TLN2: variants seen among roughly 807,000 people sequenced by gnomAD.
TLN2 encodes talin 2, also known as talin-2.
TLN2 carries 118 observed loss-of-function variants against 294.7 expected under a neutral mutation model. The observed-to-expected ratio is 0.40, with a 90% CI of 0.34 to 0.47. The LOEUF is 0.47. Among genes scored for constraint, TLN2 ranks in the 20% least tolerant of loss-of-function variants. The probability of loss-of-function intolerance (pLI) is 0.84; values close to 1 mark genes in which losing one functional copy is unlikely to be tolerated. For synonymous variants in TLN2, 1,431 were observed against 1,304.5 expected, an observed-to-expected ratio of 1.10 and a Z score of -2.09; for missense variants, 3,083 against 3,282.2, an observed-to-expected ratio of 0.94 and a Z score of 1.48.
chr15:62,569,926 T>C (rs1396911913), intron 1 of TLN2, among the ~76,000 whole-genome samples: 2 of 152,190 alleles, frequency 1.3e-5, no homozygotes, highest in African/African-American at 4.8e-5. Context: ...AAGCTACAGT[T>C]GATGAAGCAG....
intron 1 of TLN2, among the ~76,000 whole-genome samples, chr15:62,545,760 C>T (rs1470943471): frequency 6.6e-6 from 1 of 152,130 alleles, no homozygotes; most frequent in Admixed American, 6.5e-5. Flanking sequence ...TCGAGCCCAT[C>T]CTGGCTGAGG....
At chr15:62,776,097 G>C (rs899185706) in intron 42 of TLN2, among the ~76,000 whole-genome samples, 1 of 152,128 alleles carries the variant, frequency 6.6e-6, no homozygotes, top group Non-Finnish European at 1.5e-5. Flanking sequence ...AGGGAGCCCA[G>C]GACTGCCATT....
At chr15:62,554,994 G>A (rs376736405) in intron 1 of TLN2, among the ~76,000 whole-genome samples, 14 of 148,234 alleles carry the variant, frequency 9.4e-5, no homozygotes, top group Non-Finnish European at 9.0e-5. Context: ...TATTTAGAAA[G>A]AAAAAAAAAA....
At position 62,540,145 on chromosome 15, in the gene TLN2, G is replaced by A. The variant is rs2041593097; in HGVS notation, c.-237-49542G>A. ...ACCTGAGGTCAGGAGTTCGAGACCAGCCTGGCCAACATGGTGAAACCCCGT... is the reference window on the plus strand; with the variant it reads ...ACCTGAGGTCAGGAGTTCGAGACCAACCTGGCCAACATGGTGAAACCCCGT... On this transcript the variant is annotated intron_variant, in intron 1 of 58. Transcript: ENST00000636159. 2.0e-5 allele frequency among the ~76,000 whole-genome samples: 3 copies of A among 151,982 alleles called. No homozygotes were observed. The South Asian group carries it at 6.2e-4, about 32-fold the overall frequency.
chr15:62,513,637 C>A lies in TLN2; in HGVS notation c.-237-76050C>A, dbSNP rs146934921. 4.5e-3 allele frequency among the ~76,000 whole-genome samples: 689 copies of A among 152,276 alleles called. 6 individuals are homozygous for A. The highest frequency in any genetic ancestry group is 0.016 in the African/African-American group (655 of 41,556). Reference sequence around the variant, plus strand: ...GAAATGGCCCATCATTCTTCCCCTGCAGGGTGATAGTGATGATGAAAAATG... The same window carrying A: ...GAAATGGCCCATCATTCTTCCCCTGAAGGGTGATAGTGATGATGAAAAATG... On this transcript the variant is annotated intron_variant, in intron 1 of 58. Transcript: ENST00000636159.
chr15:62,768,533 A>T (rs2063160985), intron 41 of TLN2, among the ~76,000 whole-genome samples: 1 of 152,200 alleles, frequency 6.6e-6, no homozygotes. Context: ...ATGAGATCAC[A>T]TTCCCAGGTT....
At chr15:62,769,519 C>G (rs576304182) in intron 41 of TLN2, among the ~76,000 whole-genome samples, 1 of 152,248 alleles carries the variant, frequency 6.6e-6, no homozygotes, top group Non-Finnish European at 1.5e-5. Flanking sequence ...GGTTTGAAAC[C>G]TCTCTGTAAG....
intron 16 of TLN2, among the ~76,000 whole-genome samples, chr15:62,700,651 A>G (rs2058658628): frequency 6.6e-6 from 1 of 152,214 alleles, no homozygotes; most frequent in African/African-American, 2.4e-5. Context: ...GTTGTAAGCA[A>G]GAGGCATTTC....
At chr15:62,518,047 T>G (rs1038336986) in intron 1 of TLN2, among the ~76,000 whole-genome samples, 1 of 54,874 alleles carries the variant, frequency 1.8e-5, no homozygotes, top group African/African-American at 8.1e-5. Context: ...AGCAGCAGTT[T>G]TTTTTTTTTT....
Position 62,575,129 on chromosome 15 carries a change from A to G in TLN2, c.-237-14558A>G, listed in dbSNP as rs557354455. 9.2e-5 allele frequency among the ~76,000 whole-genome samples: 14 copies of G among 152,246 alleles called. No individual in the cohort carries two copies. In the South Asian group the frequency reaches 1.7e-3, roughly 18 times the overall value. On this transcript the variant is annotated intron_variant, in intron 1 of 58. Coordinates refer to ENST00000636159, the MANE Select transcript of TLN2 (RefSeq NM_015059.3). ...GGAGTTCAAGACCAGTCTGGGCAAC[A>G]TGATGAAACCTCATCTCCACCAAAA... is the stretch of plus-strand genomic sequence containing the variant.
intron 32 of TLN2, among the ~76,000 whole-genome samples, 154 bp from the exon 33 acceptor site, chr15:62,748,197 A>G (rs577645345): frequency 6.6e-6 from 1 of 151,770 alleles, no homozygotes; most frequent in East Asian, 1.9e-4. Flanking sequence ...GGTGTGGTTT[A>G]TTTTTGGTTG....
At chr15:62,820,799 T>G (rs914422743) in intron 54 of TLN2, among the ~76,000 whole-genome samples, 189 bp downstream of exon 54, 1 of 152,138 alleles carries the variant, frequency 6.6e-6, no homozygotes, top group Non-Finnish European at 1.5e-5. Flanking sequence ...TGATGAGTCT[T>G]TCAAGTTAAC....
chr15:62,749,451 C>A (rs1336922158), intron 33 of TLN2, among the ~76,000 whole-genome samples: 1 of 152,200 alleles, frequency 6.6e-6, no homozygotes, highest in Non-Finnish European at 1.5e-5. Flanking sequence ...TATTGATATC[C>A]TTGGTTGAAA....
intron 40 of TLN2, among the ~76,000 whole-genome samples, chr15:62,764,666 A>G (rs760580430): frequency 2.6e-5 from 4 of 152,272 alleles, no homozygotes; most frequent in Admixed American, 1.3e-4. Context: ...CAAGAAACAA[A>G]GTTGAGGCCA....
intron 46 of TLN2, among the ~76,000 whole-genome samples, chr15:62,793,170 A>G (rs1163349437): frequency 6.6e-6 from 1 of 152,184 alleles, no homozygotes; most frequent in African/African-American, 2.4e-5. Flanking sequence ...CTTCTCAAGG[A>G]GGCTGCTGAG....
chr15:62,657,334 G>A (rs758322425), intron 8 of TLN2, among the ~76,000 whole-genome samples: 1 of 151,918 alleles, frequency 6.6e-6, no homozygotes, highest in Non-Finnish European at 1.5e-5. Context: ...TATTACATTG[G>A]TTTTTATCTG....
At chr15:62,518,489 T>C (rs898867485) in intron 1 of TLN2, among the ~76,000 whole-genome samples, 16 of 152,238 alleles carry the variant, frequency 1.1e-4, no homozygotes, top group African/African-American at 3.9e-4. Context: ...GCCTCAGGTT[T>C]CTCAACTGAA....
chr15:62,737,905 C>A (rs959299041), intron 29 of TLN2, among the ~76,000 whole-genome samples: 2 of 152,208 alleles, frequency 1.3e-5, no homozygotes, highest in Non-Finnish European at 2.9e-5. Flanking sequence ...AACCTGACCT[C>A]ATGCTGGAGA....
intron 1 of TLN2, among the ~76,000 whole-genome samples, chr15:62,564,522 C>T (rs1191112615): frequency 2.0e-5 from 3 of 152,014 alleles, no homozygotes; most frequent in African/African-American, 4.8e-5. Flanking sequence ...TTAGCTGCAC[C>T]CCTGGATTGT....
Sources: gnomAD v4.1 joint callset for allele counts (sites outside exome capture counted in the v4.1 genomes callset) on GRCh38, gnomAD v4.1.1 for gene constraint, MANE v1.5 for transcripts, NCBI Gene and HGNC (gene_info 2026-07-23, HGNC 2026-07-21) for gene names.